HSPA9: variants seen among roughly 807,000 people sequenced by gnomAD.
The protein encoded by HSPA9 is heat shock protein family A (Hsp70) member 9.
HSPA9 carries 28 observed loss-of-function variants against 81.5 expected under a neutral mutation model. That is an observed-to-expected ratio of 0.34 (90% confidence interval 0.25 to 0.47). HSPA9 has a LOEUF of 0.47. Among genes scored for constraint, HSPA9 ranks in the 20% least tolerant of loss-of-function variants. The pLI, the probability that HSPA9 is intolerant of heterozygous loss-of-function variation, is 1.00. For missense variants in HSPA9, 678 were observed against 838.0 expected, an observed-to-expected ratio of 0.81 and a Z score of 2.36; for synonymous variants, 293 against 290.4, an observed-to-expected ratio of 1.01 and a Z score of -0.09.
intron 3 of HSPA9, among the ~76,000 whole-genome samples, chr5:138,572,741 C>T (rs1561862344): frequency 6.6e-6 from 1 of 152,010 alleles, no homozygotes; most frequent in African/African-American, 2.4e-5. Context: ...GAGATTATTC[C>T]TTCTCTTGGC....
chr5:138,559,786 A>G, intron 11 of HSPA9, 78 bp downstream of exon 11: 1 of 951,622 alleles, frequency 1.1e-6, no homozygotes, highest in Non-Finnish European at 1.7e-6. Context: ...TCTAGAAAAA[A>G]CTCATGAAAG....
intron 8 of HSPA9, 111 bp downstream of exon 8, chr5:138,566,890 G>T: frequency 8.2e-7 from 1 of 1,223,696 alleles, no homozygotes; most frequent in Non-Finnish European, 1.2e-6. Flanking sequence ...AAGAGTATCT[G>T]TGTCTAGAAT....
chr5:138,571,979 GAC>G (rs1191034126), intron 3 of HSPA9, among the ~76,000 whole-genome samples: 1 of 2,596 alleles, frequency 3.9e-4, no homozygotes, highest in East Asian at 0.014. Context: ...TTTTTTTTGA[GAC>G]AGAGTCTCAC....
At position 138,561,481 on chromosome 5, in the gene HSPA9, T is replaced by A. The variant is rs1750659753; in HGVS notation, c.1182+99A>T. 9 of 890,482 alleles carry A rather than the reference T, an allele frequency of 1.0e-5. 1 individual carries two copies. In the South Asian group the frequency reaches 1.2e-4, roughly 12 times the overall value. 55.2% of individuals were successfully genotyped at this position (890,482 alleles called of 1,614,324 possible). The stretch of plus-strand genomic sequence containing the variant: ...TATATAATCTCATCTCCCTTTTAGG[T>A]CACCCCAGCAGAATGGGCCATATAT... On this transcript the variant is annotated intron_variant, in intron 10 of 16. Transcript: ENST00000297185.
chr5:138,554,489 G>T lies in HSPA9; in HGVS notation c.*1548C>A, dbSNP rs41296463. Among the ~76,000 whole-genome samples the T allele has an allele frequency of 1.0e-3, 152 of 152,252 alleles. No homozygotes were observed. The highest frequency in any genetic ancestry group is 1.8e-3 in the Admixed American group (27 of 15,282). On this transcript the variant is annotated 3_prime_UTR_variant, in exon 17 of 17. Transcript: ENST00000297185. ...GAAACCTGAGCCTAGAATTTTTCAC[G>T]AATCCCAAGAATCTTTTACATGGGT...
intron 9 of HSPA9, among the ~76,000 whole-genome samples, chr5:138,562,298 C>T (rs1750678441): frequency 3.3e-5 from 5 of 150,142 alleles, no homozygotes; most frequent in Non-Finnish European, 1.5e-5. Flanking sequence ...GCCTGTAATC[C>T]CAGCACTTTG....
At position 138,575,285 on chromosome 5, in the gene HSPA9, G is replaced by C. The variant is rs1342030367; in HGVS notation, c.34C>G (p.Leu12Val). 6.2e-7 allele frequency: 1 copy of C among 1,612,062 alleles called. No individual in the cohort carries two copies. Among genetic ancestry groups the C allele is most frequent in the Non-Finnish European group, 8.5e-7 (1 of 1,179,596 alleles). The change falls in exon 1 of 17, where the codon CTC (leucine) becomes GTC (valine). Residue 12 changes from leucine to valine, a missense_variant. Physicochemically the swap from Leu to Val is conservative, Grantham distance 32. Around this residue, in one of 4 missense-constraint regions of HSPA9, gnomAD observed 89 missense variants for 70.4 expected, o/e 1.27. Transcript: ENST00000297185. ...CCCCGGGAGGCTGCGGCGCCCACGA[G>C]ACGGGCTGCTGCAGCTCGGCTGGCA... ...ISASRAAAAR[L>V]VGAAASRGPT...
intron 10 of HSPA9, 139 bp downstream of exon 10, chr5:138,561,441 G>C (rs537476675): frequency 5.5e-6 from 4 of 721,088 alleles, no homozygotes; most frequent in Middle Eastern, 3.8e-4. Flanking sequence ...AAACAGAAAA[G>C]AATTCTTTAG....
chr5:138,565,194 T>C (rs1750737875), intron 9 of HSPA9, among the ~76,000 whole-genome samples: 1 of 152,120 alleles, frequency 6.6e-6, no homozygotes, highest in South Asian at 2.1e-4. Context: ...TTCCAACACC[T>C]CGCATCCCCT....
intron 5 of HSPA9, 147 bp downstream of exon 5, chr5:138,568,778 G>A (rs1750820537): frequency 1.3e-6 from 1 of 790,128 alleles, no homozygotes; most frequent in African/African-American, 1.7e-5. Flanking sequence ...GGGAAAGCAT[G>A]AAGTATAACA....
Position 138,573,754 on chromosome 5 carries a change from C to T in HSPA9, c.228+9G>A. ...TCTGGATAAGGTACTAGTTATCAAT[C>T]ATGCTCACCTTTGCTTGTTTACCTT... On this transcript the variant is annotated intron_variant, in intron 3 of 16. Coordinates refer to ENST00000297185, the MANE Select transcript of HSPA9 (RefSeq NM_004134.7). 6.6e-7 allele frequency: 1 copy of T among 1,520,764 alleles called. No homozygotes were observed. Among genetic ancestry groups the T allele is most frequent in the Non-Finnish European group, 9.0e-7 (1 of 1,110,306 alleles). 94.2% of individuals were successfully genotyped at this position (1,520,764 alleles called of 1,614,324 possible). A position where few individuals can be genotyped will look rare whatever the true frequency, so the allele number is the denominator to read the frequency against.
chr5:138,558,023 A>AGAG, intron 12 of HSPA9, 37 bp from the exon 13 acceptor site: 1 of 1,261,750 alleles, frequency 7.9e-7, no homozygotes, highest in Non-Finnish European at 1.2e-6. Context: ...GTCCTCTTAC[A>AGAG]GAGGGGTCCA....
At chr5:138,557,271 G>T in intron 14 of HSPA9, 131 bp downstream of exon 14, 1 of 733,342 alleles carries the variant, frequency 1.4e-6, no homozygotes, top group Non-Finnish European at 2.5e-6. Context: ...GGCTTCAAAC[G>T]ATCTGCCCAC....
intron 5 of HSPA9, 30 bp downstream of exon 5, chr5:138,568,895 C>T: frequency 6.2e-7 from 1 of 1,611,436 alleles, no homozygotes; most frequent in South Asian, 1.1e-5. Flanking sequence ...GTTCTTAGAA[C>T]TTTCCCAGAT....
At position 138,567,179 on chromosome 5, in the gene HSPA9, G is replaced by GAAA; in HGVS notation, c.717-19_717-17dup. 2.0e-6 allele frequency: 3 copies of GAAA among 1,504,218 alleles called. No individual in the cohort carries two copies. In the Admixed American group the frequency reaches 5.6e-5, roughly 28 times the overall value. 93.2% of individuals were successfully genotyped at this position (1,504,218 alleles called of 1,614,324 possible). On this transcript the variant is annotated splice_polypyrimidine_tract_variant and intron_variant, in intron 7 of 16. Coordinates refer to ENST00000297185, the MANE Select transcript of HSPA9 (RefSeq NM_004134.7). ...TACAGCAATGCTGTAAATGATTTGT[G>GAAA]AAAAAAAAAAGAAAAGAAATCCTTA...
rs545544563 is a variant in HSPA9 at position 138,575,282 on chromosome 5, C to A, written c.37G>T (p.Val13Leu). The change falls in exon 1 of 17, where the codon GTG becomes TTG. Residue 13 changes from valine to leucine, a missense_variant. Val to Leu is a conservative substitution (Grantham distance 32). Around this residue, in one of 4 missense-constraint regions of HSPA9, gnomAD observed 89 missense variants for 70.4 expected, o/e 1.27. Coordinates refer to ENST00000297185, the MANE Select transcript of HSPA9 (RefSeq NM_004134.7). The part of the protein sequence containing the change: ...SASRAAAARL[V>L]GAAASRGPTA... ...GGGCCCCGGGAGGCTGCGGCGCCCA[C>A]GAGACGGGCTGCTGCAGCTCGGCTG... 1 of 1,611,690 alleles carries A rather than the reference C, an allele frequency of 6.2e-7. No homozygotes were observed. The highest frequency in any genetic ancestry group is 8.5e-7 in the Non-Finnish European group (1 of 1,179,532).
chr5:138,559,683 TAACAAAAA>T, intron 11 of HSPA9, 173 bp downstream of exon 11: 1 of 607,122 alleles, frequency 1.6e-6, no homozygotes, highest in Admixed American at 2.8e-5. Flanking sequence ...ACTTTTCTGG[TAACAAAAA>T]AACAAAAAAC....
chr5:138,573,976 ATAAT>A, intron 2 of HSPA9, 88 bp downstream of exon 2: 2 of 1,249,098 alleles, frequency 1.6e-6, no homozygotes. Context: ...ATACAGATAA[ATAAT>A]TACAGAGAAG....
chr5:138,571,252 C>T (rs1280521692), intron 3 of HSPA9, 111 bp from the exon 4 acceptor site: 7 of 1,070,494 alleles, frequency 6.5e-6, no homozygotes, highest in Non-Finnish European at 8.3e-6. Flanking sequence ...ACAATCTTGG[C>T]TCACTGCAAC....
Sources: gnomAD v4.1 joint callset for allele counts (sites outside exome capture counted in the v4.1 genomes callset) on GRCh38, gnomAD v4.1.1 for gene constraint, gnomAD v4.1.1 regional missense constraint, MANE v1.5 for transcripts, NCBI Gene and HGNC (gene_info 2026-07-23, HGNC 2026-07-21) for gene names.